Variants in CPQ observed in about 807,000 individuals in gnomAD.
CPQ encodes carboxypeptidase Q.
In CPQ, 37 loss-of-function variants were observed where a neutral mutation model predicts 45.7. That is an observed-to-expected ratio of 0.81 (90% confidence interval 0.62 to 1.07). The LOEUF (loss-of-function observed/expected upper bound fraction) is 1.07. Among genes scored for constraint, CPQ ranks in the 50% least tolerant of loss-of-function variants. CPQ has a pLI of 0.00. For missense variants in CPQ, 537 were observed against 572.9 expected, an observed-to-expected ratio of 0.94 and a Z score of 0.64; for synonymous variants, 186 against 205.8, an observed-to-expected ratio of 0.90 and a Z score of 0.82.
At chr8:96,889,574 C>T (rs1472982728) in intron 4 of CPQ, among the ~76,000 whole-genome samples, 2 of 152,126 alleles carry the variant, frequency 1.3e-5, no homozygotes, top group African/African-American at 4.8e-5. Flanking sequence ...GGTAAAGTCC[C>T]ATGATAGGCA....
At chr8:96,816,297 A>T (rs1327171934) in intron 2 of CPQ, among the ~76,000 whole-genome samples, 1 of 152,152 alleles carries the variant, frequency 6.6e-6, no homozygotes, top group African/African-American at 2.4e-5. Flanking sequence ...TTATTTGCTC[A>T]TCCATAAAAA....
At chr8:96,652,671 C>T (rs533432387) in intron 1 of CPQ, among the ~76,000 whole-genome samples, 8 of 152,126 alleles carry the variant, frequency 5.3e-5, no homozygotes, top group South Asian at 2.1e-4. Context: ...CTTGCTCTAT[C>T]GCCCAAGCTG....
intron 5 of CPQ, among the ~76,000 whole-genome samples, chr8:97,019,460 A>G (rs1809639325): frequency 6.6e-6 from 1 of 152,322 alleles, no homozygotes; most frequent in Middle Eastern, 3.4e-3. Flanking sequence ...GAATTCACCA[A>G]CCATCTGCTG....
intron 5 of CPQ, among the ~76,000 whole-genome samples, chr8:97,018,887 G>A (rs1219733987): frequency 1.3e-5 from 2 of 152,160 alleles, no homozygotes; most frequent in East Asian, 3.9e-4. Context: ...AAAGAACACT[G>A]GGAAATTCAT....
chr8:96,802,070 A>G (rs2130822891), intron 2 of CPQ, among the ~76,000 whole-genome samples: 1 of 148,500 alleles, frequency 6.7e-6, no homozygotes, highest in Admixed American at 6.7e-5. Context: ...TCTACTAATC[A>G]CCTCTTTCTT....
chr8:96,731,444 C>T (rs1272318124), intron 1 of CPQ, among the ~76,000 whole-genome samples: 1 of 152,060 alleles, frequency 6.6e-6, no homozygotes, highest in Non-Finnish European at 1.5e-5. Flanking sequence ...TCATATTATA[C>T]TCATATGGTA....
At chr8:96,959,483 T>C (rs969617589) in intron 4 of CPQ, among the ~76,000 whole-genome samples, 2 of 151,750 alleles carry the variant, frequency 1.3e-5, no homozygotes, top group African/African-American at 4.8e-5. Context: ...CTGTTAGTCA[T>C]TTTTTTTAAC....
chr8:97,064,860 G>A (rs1810611736), intron 6 of CPQ, among the ~76,000 whole-genome samples: 1 of 152,166 alleles, frequency 6.6e-6, no homozygotes, highest in African/African-American at 2.4e-5. Context: ...GTCTTGGAAA[G>A]CAGAGGGTTT....
At chr8:97,098,663 C>T (rs1453357108) in intron 7 of CPQ, among the ~76,000 whole-genome samples, 1 of 152,172 alleles carries the variant, frequency 6.6e-6, no homozygotes, top group African/African-American at 2.4e-5. Context: ...GGAAAACTCT[C>T]ATCCTCTCTG....
In CPQ at chr8:97,135,973, T is replaced by TG. The variant is rs151236084; in HGVS notation, c.1256-7046dup. On this transcript the variant is annotated intron_variant, in intron 7 of 7. Coordinates refer to ENST00000220763, the MANE Select transcript of CPQ (RefSeq NM_016134.4). Reference sequence around the variant, plus strand: ...GTGACTTTGAGAATCTTTGTGTATGTGCCCACCCATCTCTTCAGGAATTAG... The same window carrying TG: ...GTGACTTTGAGAATCTTTGTGTATGTGGCCCACCCATCTCTTCAGGAATTAG... Among the ~76,000 whole-genome samples, 684 of 152,328 alleles carry TG rather than the reference T, an allele frequency of 4.5e-3. 3 individuals are homozygous for TG. The highest frequency in any genetic ancestry group is 0.016 in the African/African-American group (659 of 41,576).
At chr8:96,697,376 G>A (rs1809399038) in intron 1 of CPQ, among the ~76,000 whole-genome samples, 1 of 152,254 alleles carries the variant, frequency 6.6e-6, no homozygotes, top group African/African-American at 2.4e-5. Flanking sequence ...ATAGTTCAAT[G>A]TAATAAAAGC....
chr8:97,074,138 G>T (rs1810802478), intron 7 of CPQ, among the ~76,000 whole-genome samples: 1 of 152,122 alleles, frequency 6.6e-6, no homozygotes, highest in Non-Finnish European at 1.5e-5. Flanking sequence ...TTCTATTGTT[G>T]CCTTGAACTG....
chr8:96,862,628 C>T (rs557297741), intron 3 of CPQ, among the ~76,000 whole-genome samples: 25 of 151,962 alleles, frequency 1.6e-4, no homozygotes, highest in South Asian at 4.2e-4. Flanking sequence ...TGTAGAGCTA[C>T]GACATAAAGG....
At chr8:96,771,117 A>G (rs1443774334) in intron 1 of CPQ, among the ~76,000 whole-genome samples, 1 of 147,092 alleles carries the variant, frequency 6.8e-6, no homozygotes, top group African/African-American at 2.5e-5. Context: ...ATATATATTT[A>G]TATATTTTAA....
intron 4 of CPQ, among the ~76,000 whole-genome samples, chr8:96,890,303 T>C (rs1417509121): frequency 1.3e-5 from 2 of 152,228 alleles, no homozygotes; most frequent in African/African-American, 4.8e-5. Context: ...ACAATTACAG[T>C]CCTCTTTCTG....
intron 4 of CPQ, among the ~76,000 whole-genome samples, chr8:96,961,955 G>A (rs1168935016): frequency 6.6e-6 from 1 of 152,246 alleles, no homozygotes; most frequent in East Asian, 1.9e-4. Flanking sequence ...TGGACTCAGT[G>A]TCTTCATATG....
intron 1 of CPQ, among the ~76,000 whole-genome samples, chr8:96,773,532 G>C (rs1403971869): frequency 6.6e-6 from 1 of 152,110 alleles, no homozygotes; most frequent in East Asian, 1.9e-4. Flanking sequence ...CCAGTATAAA[G>C]AAAGTCTATA....
At chr8:97,043,735 A>G (rs1810177915) in intron 6 of CPQ, among the ~76,000 whole-genome samples, 1 of 152,036 alleles carries the variant, frequency 6.6e-6, no homozygotes, top group African/African-American at 2.4e-5. Context: ...TTTCTCCTTA[A>G]CTTATGAAGC....
Position 96,779,561 on chromosome 8 carries a change from A to G in CPQ, c.-34-5303A>G, listed in dbSNP as rs528338369. ...AAACACAGGTCTTGATTAACTTTCT[A>G]TAAAGCAAGGATATGGACTAGGGAT... is the stretch of plus-strand genomic sequence containing the variant. On this transcript the variant is annotated intron_variant, in intron 1 of 7. Coordinates refer to ENST00000220763, the MANE Select transcript of CPQ (RefSeq NM_016134.4). Among the ~76,000 whole-genome samples, 10 of 152,292 alleles carry G rather than the reference A, an allele frequency of 6.6e-5. No homozygotes were observed. In the East Asian group the frequency reaches 1.5e-3, roughly 24 times the overall value.
Sources: allele counts gnomAD v4.1 joint callset (sites outside exome capture counted in the v4.1 genomes callset), GRCh38; gene constraint gnomAD v4.1.1; transcripts MANE v1.5; gene names NCBI Gene and HGNC (gene_info 2026-07-23, HGNC 2026-07-21).